Variants in KLF12 observed in about 807,000 individuals in gnomAD.
The protein encoded by KLF12 is KLF transcription factor 12, also known as Krueppel-like factor 12.
A neutral mutation model predicts 37.8 loss-of-function variants in KLF12; 9 were observed. That is an observed-to-expected ratio of 0.24 (90% CI 0.14 to 0.42). The LOEUF (loss-of-function observed/expected upper bound fraction) is 0.42. Ranked by LOEUF, KLF12 falls within the 10% of genes least tolerant of loss-of-function variation. The pLI is 1.00. For missense variants in KLF12, 411 were observed against 516.0 expected (o/e 0.80, Z 1.97); for synonymous variants, 208 against 202.1 (o/e 1.03, Z -0.25).
the KLF12 span, among the ~76,000 whole-genome samples, chr13:74,299,993 G>A: frequency 7.9e-5 from 12 of 151,980 alleles, no homozygotes; most frequent in African/African-American, 2.9e-4. Flanking sequence ...TTCCCAGCCT[G>A]GGACGTAGAA....
intron 5 of KLF12, among the ~76,000 whole-genome samples, chr13:73,811,042 G>A (rs1179797879): frequency 2.5e-5 from 3 of 120,022 alleles, no homozygotes; most frequent in African/African-American, 9.7e-5. Flanking sequence ...CTGGAGTACA[G>A]TGATGTGATC....
chr13:73,705,666 T>C (rs1049597011), intron 7 of KLF12, among the ~76,000 whole-genome samples: 1 of 151,248 alleles, frequency 6.6e-6, no homozygotes, highest in Non-Finnish European at 1.5e-5. Context: ...ACAAATTTTA[T>C]ATTAGTAGTT....
At chr13:74,074,414 C>G (rs914721971) in intron 1 of KLF12, among the ~76,000 whole-genome samples, 1 of 152,138 alleles carries the variant, frequency 6.6e-6, no homozygotes, top group African/African-American at 2.4e-5. Context: ...GGACAGCCTT[C>G]TCTAACTTAA....
At chr13:74,099,418 C>T (rs1876177056) in intron 1 of KLF12, among the ~76,000 whole-genome samples, 1 of 152,140 alleles carries the variant, frequency 6.6e-6, no homozygotes, top group South Asian at 2.1e-4. Context: ...GAACCCTTTA[C>T]AATATAAATC....
chr13:73,848,810 GA>G (rs1369447778), intron 3 of KLF12, among the ~76,000 whole-genome samples: 1 of 152,046 alleles, frequency 6.6e-6, no homozygotes, highest in Non-Finnish European at 1.5e-5. Context: ...ATCTTATTGA[GA>G]ACCTTCTACA....
intron 1 of KLF12, among the ~76,000 whole-genome samples, chr13:74,100,861 C>A (rs1876299703): frequency 6.6e-6 from 1 of 152,098 alleles, no homozygotes; most frequent in African/African-American, 2.4e-5. Flanking sequence ...CCGACCTTCC[C>A]TTGTTTTTCA....
intron 3 of KLF12, among the ~76,000 whole-genome samples, chr13:73,907,510 C>G (rs4885131): frequency 6.6e-6 from 1 of 152,184 alleles, no homozygotes; most frequent in Admixed American, 6.5e-5. Flanking sequence ...CTCCTCAGCT[C>G]TCAGTCTTCT....
intron 4 of KLF12, among the ~76,000 whole-genome samples, chr13:73,816,717 T>C (rs565910886): frequency 6.6e-6 from 1 of 152,336 alleles, no homozygotes; most frequent in South Asian, 2.1e-4. Flanking sequence ...CAATGGGACA[T>C]TAGCAAATGT....
intron 3 of KLF12, among the ~76,000 whole-genome samples, chr13:73,928,731 C>T (rs993733209): frequency 1.3e-5 from 2 of 152,144 alleles, no homozygotes; most frequent in African/African-American, 2.4e-5. Flanking sequence ...ATTTAAGTTG[C>T]CACTTTGTAT....
chr13:73,978,175 A>T (rs1389172508), intron 2 of KLF12, among the ~76,000 whole-genome samples: 1 of 152,202 alleles, frequency 6.6e-6, no homozygotes, highest in Non-Finnish European at 1.5e-5. Context: ...TGTCAAGAGA[A>T]TGAAAAGATA....
At chr13:74,245,225 A>G in the KLF12 span, among the ~76,000 whole-genome samples, 1 of 152,214 alleles carries the variant, frequency 6.6e-6, no homozygotes, top group African/African-American at 2.4e-5. Context: ...TTTGTGATGA[A>G]TTTGGGACAT....
rs1033455320 is a variant in KLF12 at position 73,687,369 on chromosome 13, G to C, written c.*8121C>G. ...GGGGACAGTGATTTTTCAAAATGAA[G>C]CTTTAAACACAACAAATCGTGGACA... On this transcript the variant is annotated 3_prime_UTR_variant, in exon 8 of 8. Transcript: ENST00000377669. 4 of 152,614 alleles carry C rather than the reference G, an allele frequency of 2.6e-5. No individual in the cohort carries two copies. Among genetic ancestry groups the C allele is most frequent in the Non-Finnish European group, 5.9e-5 (4 of 68,032 alleles). 9.5% of individuals were successfully genotyped at this position (152,614 alleles called of 1,614,324 possible).
At chr13:73,971,687 A>G (rs2138108145) in intron 2 of KLF12, among the ~76,000 whole-genome samples, 1 of 152,300 alleles carries the variant, frequency 6.6e-6, no homozygotes, top group South Asian at 2.1e-4. Flanking sequence ...AAAACTACTG[A>G]CGTCAATGAA....
intron 1 of KLF12, among the ~76,000 whole-genome samples, chr13:74,090,065 T>C (rs1875562874): frequency 6.6e-6 from 1 of 151,980 alleles, no homozygotes; most frequent in African/African-American, 2.4e-5. Context: ...TGAAAATACA[T>C]TACAACTAAT....
chr13:73,767,769 C>T (rs890644910), intron 5 of KLF12, among the ~76,000 whole-genome samples: 3 of 152,172 alleles, frequency 2.0e-5, no homozygotes, highest in Non-Finnish European at 2.9e-5. Flanking sequence ...AATACAAAAA[C>T]GGCTCTTTCT....
At chr13:74,020,855 C>T (rs572103240) in intron 1 of KLF12, among the ~76,000 whole-genome samples, 8 of 149,768 alleles carry the variant, frequency 5.3e-5, no homozygotes, top group African/African-American at 2.0e-4. Context: ...CACGCCACTG[C>T]ACTCCAGCCT....
At chr13:74,248,950 C>T in the KLF12 span, among the ~76,000 whole-genome samples, 4 of 151,996 alleles carry the variant, frequency 2.6e-5, no homozygotes, top group Non-Finnish European at 4.4e-5. Flanking sequence ...GAACAATGGA[C>T]AGTCAGTCTT....
chr13:74,175,638 G>A, the KLF12 span, among the ~76,000 whole-genome samples: 7 of 152,172 alleles, frequency 4.6e-5, no homozygotes, highest in Non-Finnish European at 8.8e-5. Flanking sequence ...GTTTTCCACT[G>A]GGAGGTGCAT....
Position 73,690,287 on chromosome 13 carries a change from A to G in KLF12, c.*5203T>C, listed in dbSNP as rs180963327. On this transcript the variant is annotated 3_prime_UTR_variant, in exon 8 of 8. Transcript: ENST00000377669. ...TGAAAATGGGCATTAGCTTATTCCT[A>G]TTGCGAGTATAGATTCCTTTAACAC... 2 of 152,738 alleles carry G rather than the reference A, an allele frequency of 1.3e-5. No homozygotes were observed. Among genetic ancestry groups the G allele is most frequent in the East Asian group, 3.9e-4 (2 of 5,186 alleles). 9.5% of individuals were successfully genotyped at this position (152,738 alleles called of 1,614,324 possible). A position where few individuals can be genotyped will look rare whatever the true frequency, so the allele number is the denominator to read the frequency against.
Sources: gnomAD v4.1 joint callset for allele counts (sites outside exome capture counted in the v4.1 genomes callset) on GRCh38, gnomAD v4.1.1 for gene constraint, MANE v1.5 for transcripts, NCBI Gene and HGNC (gene_info 2026-07-23, HGNC 2026-07-21) for gene names.